The following NRG3 variants were observed in gnomAD, a reference collection of about 807,000 sequenced individuals.
The protein encoded by NRG3 is pro-neuregulin-3, membrane-bound isoform.
Under a neutral mutation model 66.9 loss-of-function variants are expected in NRG3, and 31 were observed. The ratio of observed to expected loss-of-function variants is 0.46; its 90% CI spans 0.35 to 0.63. The LOEUF (loss-of-function observed/expected upper bound fraction) is 0.63. NRG3 is among the 20% of genes least tolerant of loss of function. NRG3 has a pLI of 0.00. For synonymous variants in NRG3, 393 were observed against 359.4 expected, an observed-to-expected ratio of 1.09 and a Z score of -1.06; for missense variants, 910 against 878.9, an observed-to-expected ratio of 1.04 and a Z score of -0.45.
At chr10:82,857,136 A>G (rs780508310) in intron 3 of NRG3, among the ~76,000 whole-genome samples, 10 of 152,174 alleles carry the variant, frequency 6.6e-5, no homozygotes, top group Non-Finnish European at 1.3e-4. Flanking sequence ...CCTTAACCTC[A>G]GTTGAAACCT....
chr10:82,936,184 TG>T (rs1848049589), intron 4 of NRG3, among the ~76,000 whole-genome samples: 1 of 152,136 alleles, frequency 6.6e-6, no homozygotes, highest in South Asian at 2.1e-4. Flanking sequence ...ATTTGAATTT[TG>T]AAAAAATAAA....
chr10:81,955,126 C>G (rs1849702546), intron 1 of NRG3, among the ~76,000 whole-genome samples: 1 of 146,950 alleles, frequency 6.8e-6, no homozygotes, highest in Non-Finnish European at 1.5e-5. Context: ...AGACATATAC[C>G]TGTTATATAA....
intron 1 of NRG3, among the ~76,000 whole-genome samples, chr10:81,998,047 A>T (rs1396743948): frequency 6.6e-6 from 1 of 152,110 alleles, no homozygotes. Flanking sequence ...ACTGTCTTCT[A>T]GGTGGCAAGA....
chr10:82,433,823 C>T (rs769116651), intron 2 of NRG3, among the ~76,000 whole-genome samples: 1 of 152,114 alleles, frequency 6.6e-6, no homozygotes, highest in Non-Finnish European at 1.5e-5. Context: ...TGTTTTGGTA[C>T]CAGTACCTTG....
intron 3 of NRG3, among the ~76,000 whole-genome samples, chr10:82,801,158 G>C (rs2061018781): frequency 6.6e-6 from 1 of 152,190 alleles, no homozygotes; most frequent in Non-Finnish European, 1.5e-5. Context: ...TGTTCCGCTA[G>C]AGAAAAGTTG....
chr10:82,950,193 A>C lies in NRG3; in HGVS notation c.1055-1276A>C, dbSNP rs903321296. On this transcript the variant is annotated intron_variant, in intron 4 of 8. Coordinates refer to ENST00000372141, the MANE Select transcript of NRG3 (RefSeq NM_001010848.4). ...ATTACAATTTGAGAACTATTGTTCT[A>C]TGTTAATGACACAGAGAGAGAATGT... 3.0e-4 allele frequency among the ~76,000 whole-genome samples: 45 copies of C among 152,194 alleles called. 1 individual carries two copies. Among genetic ancestry groups the C allele is most frequent in the Non-Finnish European group, 2.9e-5 (2 of 68,038 alleles).
intron 3 of NRG3, among the ~76,000 whole-genome samples, chr10:82,782,120 T>C (rs1178301931): frequency 6.6e-6 from 1 of 152,188 alleles, no homozygotes; most frequent in Non-Finnish European, 1.5e-5. Flanking sequence ...GTACTATGGT[T>C]TGAATTTATC....
intron 1 of NRG3, among the ~76,000 whole-genome samples, chr10:81,877,253 A>G (rs764239726): frequency 6.6e-6 from 1 of 152,146 alleles, no homozygotes; most frequent in African/African-American, 2.4e-5. Context: ...TTCTTATTCA[A>G]AGGAAATCTC....
At chr10:82,199,518 A>G (rs1202844268) in intron 1 of NRG3, among the ~76,000 whole-genome samples, 1 of 152,200 alleles carries the variant, frequency 6.6e-6, no homozygotes, top group African/African-American at 2.4e-5. Context: ...CTGTTAATAC[A>G]CCAATTTATT....
chr10:82,777,744 G>C (rs1419009954), intron 3 of NRG3, among the ~76,000 whole-genome samples: 1 of 152,196 alleles, frequency 6.6e-6, no homozygotes, highest in African/African-American at 2.4e-5. Flanking sequence ...CACTGAGAGA[G>C]GGGGTACTGT....
chr10:82,915,831 G>A (rs1411909119), intron 4 of NRG3, among the ~76,000 whole-genome samples: 1 of 151,890 alleles, frequency 6.6e-6, no homozygotes, highest in African/African-American at 2.4e-5. Context: ...TAAACATTGG[G>A]GAATATATAC....
chr10:82,789,464 G>T (rs1340021650), intron 3 of NRG3, among the ~76,000 whole-genome samples: 3 of 151,988 alleles, frequency 2.0e-5, no homozygotes, highest in Non-Finnish European at 4.4e-5. Flanking sequence ...ATTATTTGAA[G>T]TTTATTTTGC....
At chr10:82,417,618 T>C (rs1478808467) in intron 2 of NRG3, among the ~76,000 whole-genome samples, 2 of 152,180 alleles carry the variant, frequency 1.3e-5, no homozygotes, top group African/African-American at 4.8e-5. Context: ...CTAAGGTGGT[T>C]GCTATTAGAT....
Position 82,958,831 on chromosome 10 carries a change from C to T in NRG3, c.1158-118C>T, listed in dbSNP as rs533017002. On this transcript the variant is annotated intron_variant, in intron 5 of 8. Coordinates refer to ENST00000372141, the MANE Select transcript of NRG3 (RefSeq NM_001010848.4). ...ATGAGAGAAGGGTTCTCTTCGTTAGCTGAGTTTATTTAACTTTAGCAAATA... is the reference window on the plus strand; with the variant it reads ...ATGAGAGAAGGGTTCTCTTCGTTAGTTGAGTTTATTTAACTTTAGCAAATA... 3 of 1,212,316 alleles carry T rather than the reference C, an allele frequency of 2.5e-6. No homozygotes were observed. The African/African-American group carries it at 4.7e-5, about 19-fold the overall frequency. The allele number at this position is 1,212,316 out of a possible 1,614,324, so 75.1% of individuals were successfully genotyped here.
At chr10:82,060,471 A>G (rs1383789012) in intron 1 of NRG3, among the ~76,000 whole-genome samples, 2 of 152,170 alleles carry the variant, frequency 1.3e-5, no homozygotes, top group Non-Finnish European at 2.9e-5. Context: ...GTTCTCCCTA[A>G]GAGTAGTAAT....
intron 1 of NRG3, among the ~76,000 whole-genome samples, chr10:82,103,751 T>C (rs1361309319): frequency 6.6e-6 from 1 of 152,122 alleles, no homozygotes; most frequent in East Asian, 1.9e-4. Flanking sequence ...CCTCCAGTTC[T>C]GAGGCCAGAG....
At chr10:81,974,389 A>G (rs2224109) in intron 1 of NRG3, among the ~76,000 whole-genome samples, 69,849 of 151,964 alleles carry the variant, frequency 0.46, 20,237 homozygotes, top group African/African-American at 0.78. Context: ...TACCGAGCCA[A>G]GCTTGTTATG....
intron 1 of NRG3, among the ~76,000 whole-genome samples, chr10:81,914,485 T>C (rs111344703): frequency 0.019 from 2,871 of 151,974 alleles, 78 homozygotes; most frequent in African/African-American, 0.063. Flanking sequence ...ATAATCCCAG[T>C]ACTTTGGGAG....
chr10:82,043,803 A>G (rs1228712007), intron 1 of NRG3, among the ~76,000 whole-genome samples: 1 of 152,114 alleles, frequency 6.6e-6, no homozygotes. Context: ...GTTTTGACAT[A>G]TAACAAAACC....
Sources: gnomAD v4.1 joint callset for allele counts (sites outside exome capture counted in the v4.1 genomes callset) on GRCh38, gnomAD v4.1.1 for gene constraint, MANE v1.5 for transcripts, NCBI Gene and HGNC (gene_info 2026-07-23, HGNC 2026-07-21) for gene names.